The following UBE2H variants were observed in gnomAD, a reference collection of about 807,000 sequenced individuals.
The protein encoded by UBE2H is ubiquitin conjugating enzyme E2 H, also known as ubiquitin-conjugating enzyme E2 H.
In UBE2H, 3 loss-of-function variants were observed where a neutral mutation model predicts 29.0. The observed-to-expected ratio is 0.10, with a 90% confidence interval of 0.05 to 0.27. UBE2H has a LOEUF of 0.27. UBE2H is among the 10% of genes least tolerant of loss of function. UBE2H has a pLI of 1.00. For missense variants in UBE2H, 68 were observed against 228.2 expected (o/e 0.30, Z 4.52); for synonymous variants, 69 against 82.9 (o/e 0.83, Z 0.91).
Position 129,917,320 on chromosome 7 carries a change from C to A in UBE2H, c.53+35183G>T, listed in dbSNP as rs142304030. ...CAACTGATCCAGCCCACTTTTACTG[C>A]CAAGGTGTTAACATGCATTACATTT... On this transcript the variant is annotated intron_variant, in intron 1 of 6. Coordinates refer to ENST00000355621, the MANE Select transcript of UBE2H (RefSeq NM_003344.4). 4.8e-4 allele frequency among the ~76,000 whole-genome samples: 73 copies of A among 152,306 alleles called. 1 individual carries two copies. Among genetic ancestry groups the A allele is most frequent in the African/African-American group, 1.7e-3 (72 of 41,570 alleles).
intron 1 of UBE2H, among the ~76,000 whole-genome samples, chr7:129,923,291 C>T (rs941414572): frequency 9.2e-5 from 14 of 152,112 alleles, no homozygotes; most frequent in African/African-American, 3.4e-4. Context: ...ACCTGCTTTT[C>T]GTAAGTTTGG....
At chr7:129,894,326 C>T (rs987759371) in intron 1 of UBE2H, among the ~76,000 whole-genome samples, 3 of 151,934 alleles carry the variant, frequency 2.0e-5, no homozygotes, top group East Asian at 2.0e-4. Flanking sequence ...TGGTGGCATG[C>T]GCCTGTAGTC....
chr7:129,883,518 G>A (rs1806296213), intron 1 of UBE2H, among the ~76,000 whole-genome samples: 1 of 152,184 alleles, frequency 6.6e-6, no homozygotes, highest in South Asian at 2.1e-4. Context: ...CTGTAGTATA[G>A]TCACCCAAAA....
chr7:129,901,331 A>G (rs1283787951), intron 1 of UBE2H, among the ~76,000 whole-genome samples: 1 of 152,150 alleles, frequency 6.6e-6, no homozygotes, highest in Non-Finnish European at 1.5e-5. Flanking sequence ...GCCTCTCTCT[A>G]TCAAGACCAC....
At position 129,867,466 on chromosome 7, in the gene UBE2H, G is replaced by A. The variant is rs1433044998; in HGVS notation, c.206-8525C>T. Among the ~76,000 whole-genome samples, 7 of 111,522 alleles carry A rather than the reference G, an allele frequency of 6.3e-5. No individual in the cohort carries two copies. In the South Asian group the frequency reaches 1.7e-3, roughly 27 times the overall value. The allele number at this position is 111,522 out of a possible 152,430, so 73.2% of individuals were successfully genotyped here. ...TCGCAAGAACAAAAAACCAAACACC[G>A]CATATTCTCACTCATAGGTGGGAAT... is the stretch of plus-strand genomic sequence containing the variant. On this transcript the variant is annotated intron_variant, in intron 3 of 6. Coordinates refer to ENST00000355621, the MANE Select transcript of UBE2H (RefSeq NM_003344.4).
chr7:129,900,209 G>A (rs1175179251), intron 1 of UBE2H, among the ~76,000 whole-genome samples: 1 of 152,000 alleles, frequency 6.6e-6, no homozygotes, highest in Non-Finnish European at 1.5e-5. Context: ...TTCTTAGGTG[G>A]ACCTGATACG....
chr7:129,872,616 T>C (rs572322026), intron 3 of UBE2H, among the ~76,000 whole-genome samples: 1 of 151,880 alleles, frequency 6.6e-6, no homozygotes, highest in Non-Finnish European at 1.5e-5. Flanking sequence ...CCAAGGTGGG[T>C]GGATCACCTG....
At chr7:129,873,024 T>G (rs972647865) in intron 3 of UBE2H, among the ~76,000 whole-genome samples, 2 of 150,968 alleles carry the variant, frequency 1.3e-5, no homozygotes, top group African/African-American at 2.4e-5. Flanking sequence ...CTCAGAGTTT[T>G]TTTTTTTTTT....
At chr7:129,859,897 T>TCTCTC (rs1285202065) in intron 3 of UBE2H, among the ~76,000 whole-genome samples, 15 of 151,718 alleles carry the variant, frequency 9.9e-5, no homozygotes, top group Admixed American at 2.0e-4. Context: ...CTCTCTCTCA[T>TCTCTC]ATTCATTCAG....
intron 1 of UBE2H, among the ~76,000 whole-genome samples, chr7:129,907,578 C>T (rs1414596543): frequency 6.6e-6 from 1 of 152,164 alleles, no homozygotes; most frequent in East Asian, 1.9e-4. Flanking sequence ...GCATTTTGTA[C>T]TTTATCCTAT....
chr7:129,912,383 C>G (rs780831351), intron 1 of UBE2H, among the ~76,000 whole-genome samples: 1 of 151,972 alleles, frequency 6.6e-6, no homozygotes, highest in African/African-American at 2.4e-5. Flanking sequence ...AATTCATTTA[C>G]ATTTCTTTCT....
At chr7:129,907,745 C>T (rs1453212854) in intron 1 of UBE2H, among the ~76,000 whole-genome samples, 1 of 152,104 alleles carries the variant, frequency 6.6e-6, no homozygotes, top group African/African-American at 2.4e-5. Flanking sequence ...CAAATGTATA[C>T]ACTTAAAATT....
At chr7:129,852,259 C>A (rs183876843) in intron 5 of UBE2H, among the ~76,000 whole-genome samples, 4 of 152,304 alleles carry the variant, frequency 2.6e-5, no homozygotes, top group Non-Finnish European at 4.4e-5. Context: ...GATTCACAGA[C>A]TATCTAACTG....
chr7:129,891,953 C>CT (rs753851134), intron 1 of UBE2H, among the ~76,000 whole-genome samples: 20,348 of 127,050 alleles, frequency 0.16, 2,052 homozygotes, highest in African/African-American at 0.2. Context: ...CATGCTACAC[C>CT]TTTTTTTTTT....
At chr7:129,949,520 A>G (rs1259253792) in intron 1 of UBE2H, among the ~76,000 whole-genome samples, 1 of 152,188 alleles carries the variant, frequency 6.6e-6, no homozygotes, top group Non-Finnish European at 1.5e-5. Flanking sequence ...AAGGATCAGA[A>G]GAGAAACAAT....
chr7:129,933,335 A>G (rs1237613437), intron 1 of UBE2H, among the ~76,000 whole-genome samples: 1 of 152,224 alleles, frequency 6.6e-6, no homozygotes, highest in African/African-American at 2.4e-5. Context: ...TAGAACTTCT[A>G]AATTTGTAAG....
At chr7:129,918,359 ATTC>A (rs1463412441) in intron 1 of UBE2H, among the ~76,000 whole-genome samples, 1 of 150,180 alleles carries the variant, frequency 6.7e-6, no homozygotes, top group African/African-American at 2.5e-5. Flanking sequence ...AAAAATCCAA[ATTC>A]TTTTTTTTTT....
intron 3 of UBE2H, among the ~76,000 whole-genome samples, chr7:129,872,069 G>A (rs758048609): frequency 8.5e-5 from 13 of 152,132 alleles, no homozygotes; most frequent in Non-Finnish European, 1.9e-4. Context: ...TGGTGAGGCT[G>A]GTCTCGAACT....
intron 1 of UBE2H, among the ~76,000 whole-genome samples, chr7:129,902,943 C>T (rs947663682): frequency 6.6e-6 from 1 of 152,172 alleles, no homozygotes; most frequent in Non-Finnish European, 1.5e-5. Context: ...GTATTGTTTC[C>T]ATTATAAAAA....
Sources: gnomAD v4.1 joint callset for allele counts (sites outside exome capture counted in the v4.1 genomes callset) on GRCh38, gnomAD v4.1.1 for gene constraint, MANE v1.5 for transcripts, NCBI Gene and HGNC (gene_info 2026-07-23, HGNC 2026-07-21) for gene names.